Variants in BTC observed in about 807,000 individuals in gnomAD.
BTC encodes probetacellulin.
Under a neutral mutation model 18.1 loss-of-function variants are expected in BTC, and 13 were observed. That is an observed-to-expected ratio of 0.72 (90% CI 0.47 to 1.14). The LOEUF (loss-of-function observed/expected upper bound fraction) is 1.14. BTC is among the 50% of genes most tolerant of loss of function. The pLI, the probability that BTC is intolerant of heterozygous loss-of-function variation, is 0.00. For synonymous variants in BTC, 83 were observed against 79.4 expected, an observed-to-expected ratio of 1.05 and a Z score of -0.24; for missense variants, 247 against 224.2, an observed-to-expected ratio of 1.10 and a Z score of -0.65.
chr4:74,755,519 C>A (rs909728865), intron 3 of BTC, among the ~76,000 whole-genome samples: 1 of 152,160 alleles, frequency 6.6e-6, no homozygotes, highest in Non-Finnish European at 1.5e-5. Context: ...AACTATAAAC[C>A]ACCAAACACT....
Position 74,748,051 on chromosome 4 carries a change from T to C in BTC, c.527A>G (p.Asn176Ser), listed in dbSNP as rs782312246. 2.1e-5 allele frequency: 33 copies of C among 1,583,346 alleles called. No homozygotes were observed. In the East Asian group the frequency reaches 7.4e-4, roughly 36 times the overall value. Residue 176 changes from asparagine to serine, a missense_variant, in exon 5 of 6, where the codon AAT becomes AGT. Physicochemically the swap from Asn to Ser is conservative, Grantham distance 46. Coordinates refer to ENST00000395743, the MANE Select transcript of BTC (RefSeq NM_001729.4). ...TPINEDIEET[N>S]IA ...TTTATCTCACTTACTTTAAGCAATA[T>C]TTGTCTCTTCAATATCTTCATTGAT...
intron 1 of BTC, among the ~76,000 whole-genome samples, chr4:74,781,734 A>C (rs1725337811): frequency 6.6e-6 from 1 of 152,108 alleles, no homozygotes; most frequent in African/African-American, 2.4e-5. Flanking sequence ...CATATAACAA[A>C]AAATTTATTA....
chr4:74,773,134 C>G (rs1725088612), intron 1 of BTC, among the ~76,000 whole-genome samples: 1 of 152,226 alleles, frequency 6.6e-6, no homozygotes, highest in African/African-American at 2.4e-5. Flanking sequence ...TGAACCAAAG[C>G]AAGCCTGAAG....
At position 74,794,341 on chromosome 4, in the gene BTC, G is replaced by T. The variant is rs1032640934; in HGVS notation, c.-16C>A. The T allele has an allele frequency of 2.6e-6, 4 of 1,540,584 alleles. No individual in the cohort carries two copies. Among genetic ancestry groups the T allele is most frequent in the Non-Finnish European group, 3.5e-6 (4 of 1,143,526 alleles). On this transcript the variant is annotated 5_prime_UTR_variant, in exon 1 of 6. Transcript: ENST00000395743. ...CCCGGTCCATCAACCCCGCTCTGCC[G>T]GGCCGGGCAGCCCCTAGACAAGTCT...
chr4:74,783,171 G>A (rs1198185750), intron 1 of BTC, among the ~76,000 whole-genome samples: 3 of 152,038 alleles, frequency 2.0e-5, no homozygotes, highest in Non-Finnish European at 4.4e-5. Context: ...TGAAATCTTT[G>A]TCCATGCCAA....
Position 74,745,985 on chromosome 4 carries a change from A to T in BTC, c.*692T>A, listed in dbSNP as rs1379447287. 1 of 152,236 alleles carries T rather than the reference A, an allele frequency of 6.6e-6. No homozygotes were observed. 9.4% of individuals were successfully genotyped at this position (152,236 alleles called of 1,614,324 possible). ...ACAGCAATATAGGCCAGGATTTCTC[A>T]TTCTGTGTGCCTGTGGGAAGACGGT... On this transcript the variant is annotated 3_prime_UTR_variant, in exon 6 of 6. Coordinates refer to ENST00000395743, the MANE Select transcript of BTC (RefSeq NM_001729.4).
intron 2 of BTC, among the ~76,000 whole-genome samples, chr4:74,760,948 A>T (rs1724739611): frequency 6.6e-6 from 1 of 151,952 alleles, no homozygotes; most frequent in Non-Finnish European, 1.5e-5. Context: ...TTTAGCCAGG[A>T]TGGTCTTGAT....
chr4:74,771,653 G>C (rs577547637), intron 1 of BTC, among the ~76,000 whole-genome samples: 1 of 152,144 alleles, frequency 6.6e-6, no homozygotes. Flanking sequence ...TGTTTTCAAA[G>C]AAAGAAATGT....
intron 2 of BTC, among the ~76,000 whole-genome samples, chr4:74,767,704 G>C (rs867906063): frequency 3.3e-5 from 5 of 151,998 alleles, no homozygotes; most frequent in African/African-American, 1.2e-4. Context: ...AAGACCAATA[G>C]AACAGAATAG....
chr4:74,770,886 T>C (rs145041388), intron 1 of BTC, among the ~76,000 whole-genome samples: 1 of 151,374 alleles, frequency 6.6e-6, no homozygotes, highest in African/African-American at 2.4e-5. Flanking sequence ...TATTGTGGTT[T>C]AGGTTACAAA....
intron 1 of BTC, among the ~76,000 whole-genome samples, chr4:74,776,139 C>CTT (rs72097921): frequency 1.3e-5 from 2 of 151,658 alleles, no homozygotes; most frequent in African/African-American, 4.8e-5. Flanking sequence ...TTTATGGTTT[C>CTT]TTTTTTTCAT....
intron 5 of BTC, among the ~76,000 whole-genome samples, chr4:74,747,261 T>C (rs1553955592): frequency 1.3e-5 from 2 of 152,192 alleles, no homozygotes; most frequent in African/African-American, 4.8e-5. Flanking sequence ...CACTTCAGAT[T>C]CCATCACCAG....
At chr4:74,787,400 C>T (rs182491869) in intron 1 of BTC, among the ~76,000 whole-genome samples, 1 of 152,286 alleles carries the variant, frequency 6.6e-6, no homozygotes, top group East Asian at 1.9e-4. Context: ...AATATTGCCT[C>T]TCCCTCCAAC....
At chr4:74,754,470 C>T (rs782592174) in intron 3 of BTC, among the ~76,000 whole-genome samples, 7 of 152,126 alleles carry the variant, frequency 4.6e-5, no homozygotes, top group Non-Finnish European at 1.0e-4. Context: ...CTAACTCAGA[C>T]CTGAGTGTAT....
rs558624367 is a variant in BTC at position 74,770,277 on chromosome 4, C to T, written c.65-121G>A. On this transcript the variant is annotated intron_variant, in intron 1 of 5. Transcript: ENST00000395743. Reference sequence around the variant, plus strand: ...ATAACAAGACTATGGTTTCCATTTCCAAGTCACTCACTCCCAGGAAGGGAT... The same window carrying T: ...ATAACAAGACTATGGTTTCCATTTCTAAGTCACTCACTCCCAGGAAGGGAT... 33 of 739,310 alleles carry T rather than the reference C, an allele frequency of 4.5e-5. No homozygotes were observed. The South Asian group carries it at 6.1e-4, about 14-fold the overall frequency. The allele number at this position is 739,310 out of a possible 1,614,324, so 45.8% of individuals were successfully genotyped here. A position where few individuals can be genotyped will look rare whatever the true frequency, so the allele number is the denominator to read the frequency against.
intron 2 of BTC, among the ~76,000 whole-genome samples, chr4:74,765,790 C>A (rs1330530425): frequency 2.0e-5 from 3 of 152,152 alleles, no homozygotes; most frequent in Non-Finnish European, 4.4e-5. Context: ...CAGTGGATTT[C>A]TCAGCAGAAA....
intron 2 of BTC, among the ~76,000 whole-genome samples, chr4:74,759,374 C>T (rs965835352): frequency 3.3e-5 from 5 of 152,066 alleles, no homozygotes; most frequent in African/African-American, 9.7e-5. Flanking sequence ...TTTTTCCTCC[C>T]ACATTACCCT....
Position 74,770,112 on chromosome 4 carries a change from T to C in BTC, c.109A>G (p.Arg37Gly). ...HCVVADGNST[R>G]SPETNGLLCG... is the part of the protein sequence containing the mutation. ...AGGAGGCCATTAGTTTCAGGACTTC[T>C]GGTGGAATTCCCATCTGCCACCACA... The change falls in exon 2 of 6, where the codon AGA (arginine) becomes GGA (glycine). Residue 37 changes from arginine (R) to glycine (G), a missense_variant. Arg to Gly is a moderately radical substitution (Grantham distance 125). Transcript: ENST00000395743. 2.5e-6 allele frequency: 4 copies of C among 1,613,428 alleles called. No individual in the cohort carries two copies. Among genetic ancestry groups the C allele is most frequent in the Non-Finnish European group, 3.4e-6 (4 of 1,179,588 alleles).
rs1239097162 is a variant in BTC at position 74,746,485 on chromosome 4, A to G, written c.*192T>C. On this transcript the variant is annotated 3_prime_UTR_variant, in exon 6 of 6. Transcript: ENST00000395743. ...CTAACCAGTTGCTTTTTTCCCAATT[A>G]CTAGACAATATACATATAATTAATG... 10 of 152,594 alleles carry G rather than the reference A, an allele frequency of 6.6e-5. No individual in the cohort carries two copies. The highest frequency in any genetic ancestry group is 1.3e-4 in the Non-Finnish European group (9 of 68,028). 9.5% of individuals were successfully genotyped at this position (152,594 alleles called of 1,614,324 possible).
Sources: allele counts gnomAD v4.1 joint callset (sites outside exome capture counted in the v4.1 genomes callset), GRCh38; gene constraint gnomAD v4.1.1; transcripts MANE v1.5; gene names NCBI Gene and HGNC (gene_info 2026-07-23, HGNC 2026-07-21).